CAMTA1: variants seen among roughly 807,000 people sequenced by gnomAD.
The protein encoded by CAMTA1 is calmodulin binding transcription activator 1.
In CAMTA1, 27 loss-of-function variants were observed where a neutral mutation model predicts 170.9. That is an observed-to-expected ratio of 0.16 (90% CI 0.12 to 0.22). CAMTA1 has a LOEUF of 0.22. Among genes scored for constraint, CAMTA1 ranks in the 10% least tolerant of loss-of-function variants. CAMTA1 has a pLI of 1.00. For missense variants in CAMTA1, 1,619 were observed against 2,217.2 expected, an observed-to-expected ratio of 0.73 and a Z score of 5.42; for synonymous variants, 833 against 891.5, an observed-to-expected ratio of 0.93 and a Z score of 1.17.
rs189736295 is a variant in CAMTA1 at position 7,630,500 on chromosome 1, T to G, written c.511-9900T>G. 2.6e-4 allele frequency among the ~76,000 whole-genome samples: 40 copies of G among 152,310 alleles called. 1 individual carries two copies. In the East Asian group the frequency reaches 7.3e-3, roughly 28 times the overall value. ...CCAGGTGGAAATTGTTTAACTATAT[T>G]CCCATGACTGGAAAATTCTGGTAAT... On this transcript the variant is annotated intron_variant, in intron 6 of 22. Transcript: ENST00000303635.
intron 11 of CAMTA1, among the ~76,000 whole-genome samples, chr1:7,691,572 G>C (rs933899871): frequency 6.6e-6 from 1 of 152,162 alleles, no homozygotes; most frequent in Non-Finnish European, 1.5e-5. Context: ...CCACCGAGGA[G>C]ATGGCATCAG....
intron 3 of CAMTA1, among the ~76,000 whole-genome samples, chr1:7,028,616 G>T (rs1366485142): frequency 6.6e-6 from 1 of 152,154 alleles, no homozygotes; most frequent in Non-Finnish European, 1.5e-5. Context: ...TGGCTGCCAT[G>T]CCCCACTCTG....
At chr1:7,205,527 A>T (rs1323205254) in intron 4 of CAMTA1, among the ~76,000 whole-genome samples, 1 of 152,160 alleles carries the variant, frequency 6.6e-6, no homozygotes, top group African/African-American at 2.4e-5. Context: ...TGATAGATTG[A>T]CCATTTTATT....
intron 22 of CAMTA1, among the ~76,000 whole-genome samples, chr1:7,761,597 T>C (rs1356816802): frequency 1.3e-5 from 2 of 152,320 alleles, no homozygotes; most frequent in South Asian, 2.1e-4. Flanking sequence ...TCTATAGATA[T>C]GGTGACCACA....
chr1:7,114,281 G>A (rs142744889), intron 4 of CAMTA1, among the ~76,000 whole-genome samples: 60 of 152,206 alleles, frequency 3.9e-4, no homozygotes, highest in African/African-American at 1.4e-3. Context: ...GGGTTCTCTG[G>A]AGAAACAGAA....
At position 7,312,956 on chromosome 1, in the gene CAMTA1, G is replaced by A. The variant is rs185400509; in HGVS notation, c.438+63330G>A. ...TGGCTCCATGACATTTTCTTGGTGAGTATCCTACATTTATTTATTTCTATC... is the reference window on the plus strand; with the variant it reads ...TGGCTCCATGACATTTTCTTGGTGAATATCCTACATTTATTTATTTCTATC... On this transcript the variant is annotated intron_variant, in intron 5 of 22. Coordinates refer to ENST00000303635, the MANE Select transcript of CAMTA1 (RefSeq NM_015215.4). 1.8e-4 allele frequency among the ~76,000 whole-genome samples: 28 copies of A among 152,178 alleles called. 2 individuals are homozygous for A. The South Asian group carries it at 4.2e-3, about 23-fold the overall frequency.
chr1:7,183,875 GT>G (rs1314401170), intron 4 of CAMTA1, among the ~76,000 whole-genome samples: 2 of 152,120 alleles, frequency 1.3e-5, no homozygotes, highest in Non-Finnish European at 2.9e-5. Context: ...TATGAAAATT[GT>G]ACCTAAACAG....
chr1:7,011,048 C>G (rs1213172680), intron 3 of CAMTA1, among the ~76,000 whole-genome samples: 3 of 152,178 alleles, frequency 2.0e-5, no homozygotes, highest in Non-Finnish European at 4.4e-5. Flanking sequence ...CAGACGCCTA[C>G]TGGTTTGGCA....
At chr1:7,257,078 G>GGGC (rs1026534396) in intron 5 of CAMTA1, among the ~76,000 whole-genome samples, 2 of 131,712 alleles carry the variant, frequency 1.5e-5, no homozygotes, top group Non-Finnish European at 3.0e-5. Flanking sequence ...TCGCATGGCG[G>GGGC]GGGCGGGGGT....
chr1:6,947,851 T>A (rs986388538), intron 3 of CAMTA1, among the ~76,000 whole-genome samples: 1 of 152,246 alleles, frequency 6.6e-6, no homozygotes, highest in Non-Finnish European at 1.5e-5. Context: ...GAAATGCAAT[T>A]GATTTTTGTT....
intron 4 of CAMTA1, among the ~76,000 whole-genome samples, chr1:7,108,208 A>G (rs756913697): frequency 1.3e-5 from 2 of 152,178 alleles, no homozygotes; most frequent in Non-Finnish European, 2.9e-5. Context: ...GGTGGTCAAG[A>G]GCCGGGCTCT....
At chr1:7,402,417 C>T (rs1198942078) in intron 5 of CAMTA1, among the ~76,000 whole-genome samples, 1 of 152,158 alleles carries the variant, frequency 6.6e-6, no homozygotes, top group Non-Finnish European at 1.5e-5. Context: ...TGACATTACC[C>T]AGCACCTGTC....
At chr1:7,324,669 G>T (rs770806199) in intron 5 of CAMTA1, among the ~76,000 whole-genome samples, 3 of 151,958 alleles carry the variant, frequency 2.0e-5, no homozygotes, top group Middle Eastern at 3.2e-3. Flanking sequence ...TTAGCCAGGC[G>T]TGGTGGCAGG....
At chr1:7,274,201 A>G (rs527936388) in intron 5 of CAMTA1, among the ~76,000 whole-genome samples, 2 of 152,298 alleles carry the variant, frequency 1.3e-5, no homozygotes, top group African/African-American at 2.4e-5. Flanking sequence ...ACTCAATGAC[A>G]TGCTTTCTAC....
chr1:7,137,854 C>T (rs185526168), intron 4 of CAMTA1, among the ~76,000 whole-genome samples: 137 of 152,328 alleles, frequency 9.0e-4, no homozygotes, highest in African/African-American at 2.2e-3. Flanking sequence ...CTCCACTGCC[C>T]GGCCATCTGG....
rs141463461 is a variant in CAMTA1 at position 7,579,263 on chromosome 1, C to T, written c.511-61137C>T. On this transcript the variant is annotated intron_variant, in intron 6 of 22. Coordinates refer to ENST00000303635, the MANE Select transcript of CAMTA1 (RefSeq NM_015215.4). Reference sequence around the variant, plus strand: ...GACACTTTGACCATTGCATGGTTGCCGTCCCTGGCCTGGCCTGGAGAAGTC... The same window carrying T: ...GACACTTTGACCATTGCATGGTTGCTGTCCCTGGCCTGGCCTGGAGAAGTC... 4.2e-4 allele frequency among the ~76,000 whole-genome samples: 64 copies of T among 152,352 alleles called. 1 individual carries two copies. In the East Asian group the frequency reaches 7.3e-3, roughly 17 times the overall value.
intron 3 of CAMTA1, among the ~76,000 whole-genome samples, chr1:6,902,057 A>C (rs1045644363): frequency 1.1e-3 from 119 of 104,318 alleles, no homozygotes; most frequent in Non-Finnish European, 2.2e-3. Flanking sequence ...ACACACACAC[A>C]CACACACACA....
chr1:7,508,417 C>A (rs1352059062), intron 6 of CAMTA1, among the ~76,000 whole-genome samples: 1 of 152,202 alleles, frequency 6.6e-6, no homozygotes, highest in African/African-American at 2.4e-5. Context: ...TGTCGCTAGT[C>A]CTGACGATTA....
chr1:7,737,569 A>T lies in CAMTA1; in HGVS notation c.3657A>T (p.Pro1219=). The T allele has an allele frequency of 6.3e-7, 1 of 1,599,760 alleles. No individual in the cohort carries two copies. Among genetic ancestry groups the T allele is most frequent in the Non-Finnish European group, 8.5e-7 (1 of 1,171,658 alleles). ...TCACTGTTATTGCAAGCACCAACCC[A>T]GGTAAGAATTCAGAATCATGACATC... ...KGVTVIASTN[P]ELRRPRSEPS... is the part of the protein sequence containing the mutation. Residue 1219 remains proline (P), a splice_region_variant and synonymous_variant, in exon 15 of 23, where the codon CCA becomes CCT. Coordinates refer to ENST00000303635, the MANE Select transcript of CAMTA1 (RefSeq NM_015215.4).
Sources: allele counts gnomAD v4.1 joint callset (sites outside exome capture counted in the v4.1 genomes callset), GRCh38; gene constraint gnomAD v4.1.1; transcripts MANE v1.5; gene names NCBI Gene and HGNC (gene_info 2026-07-23, HGNC 2026-07-21).